The following TMEM260 variants were observed in gnomAD, a reference collection of about 807,000 sequenced individuals.
TMEM260 encodes the protein transmembrane protein 260.
In TMEM260, 82 loss-of-function variants were observed where a neutral mutation model predicts 88.9. The observed-to-expected ratio is 0.92, with a 90% CI of 0.77 to 1.11. The LOEUF (loss-of-function observed/expected upper bound fraction) is 1.11, where lower values mean the gene tolerates loss of function less well. Ranked by LOEUF, TMEM260 falls within the 50% of genes least tolerant of loss-of-function variation. TMEM260 has a pLI of 0.00. For missense variants in TMEM260, 902 were observed against 853.4 expected (o/e 1.06, Z -0.71); for synonymous variants, 314 against 309.3 (o/e 1.02, Z -0.16).
chr14:56,623,326 G>A (rs1888044696), intron 11 of TMEM260, among the ~76,000 whole-genome samples: 1 of 152,098 alleles, frequency 6.6e-6, no homozygotes, highest in Non-Finnish European at 1.5e-5. Context: ...TTCCCTCCCA[G>A]TCACAGGATG....
downstream of TMEM260, among the ~76,000 whole-genome samples, chr14:56,654,362 C>G (rs1267057283): frequency 1.3e-5 from 2 of 152,124 alleles, no homozygotes; most frequent in Non-Finnish European, 2.9e-5. Context: ...TTATATATTT[C>G]TTACCCCTCT....
chr14:56,640,516 C>A (rs945715865), intron 15 of TMEM260, among the ~76,000 whole-genome samples: 13 of 151,994 alleles, frequency 8.6e-5, no homozygotes, highest in Non-Finnish European at 1.5e-4. Flanking sequence ...CATCAAAGAC[C>A]GAAGGTAGAT....
At chr14:56,637,358 GA>G (rs1889185430) in intron 15 of TMEM260, among the ~76,000 whole-genome samples, 1 of 152,218 alleles carries the variant, frequency 6.6e-6, no homozygotes, top group Admixed American at 6.5e-5. Context: ...AAGAGTCATG[GA>G]GGGTGGCTCT....
downstream of TMEM260, among the ~76,000 whole-genome samples, chr14:56,653,744 A>C (rs1289301128): frequency 7.7e-3 from 1,079 of 140,232 alleles, 24 homozygotes; most frequent in Middle Eastern, 0.03. Flanking sequence ...TCCAAAACAA[A>C]AAAAAAAAAA....
intron 10 of TMEM260, among the ~76,000 whole-genome samples, chr14:56,620,767 T>G (rs1262558816): frequency 6.6e-6 from 1 of 152,230 alleles, no homozygotes. Context: ...GACTTGGTAA[T>G]AACAGAAAGG....
chr14:56,589,314 A>C (rs1451114996), intron 3 of TMEM260, among the ~76,000 whole-genome samples: 1 of 152,092 alleles, frequency 6.6e-6, no homozygotes, highest in Non-Finnish European at 1.5e-5. Flanking sequence ...CCTGAGAGTC[A>C]GCCTATCCTT....
At chr14:56,613,910 A>AAAAAAAAAAAAAAAAAAAAAAAAAAT (rs1465604052) in intron 7 of TMEM260, 5 of 144,436 alleles carry the variant, frequency 3.5e-5, no homozygotes, top group East Asian at 2.2e-4. Context: ...AAAAAAAAAA[A>AAAAAAAAAAAAAAAAAAAAAAAAAAT]TTTTTTTTTT....
At position 56,643,358 on chromosome 14, in the gene TMEM260, C is replaced by T. The variant is rs376347555; in HGVS notation, c.1870-3885C>T. Among the ~76,000 whole-genome samples the T allele has an allele frequency of 4.0e-3, 602 of 152,272 alleles. 3 individuals are homozygous for T. Among genetic ancestry groups the T allele is most frequent in the South Asian group, 0.023 (113 of 4,820 alleles). On this transcript the variant is annotated intron_variant, in intron 15 of 15. Coordinates refer to ENST00000261556, the MANE Select transcript of TMEM260 (RefSeq NM_017799.4). The stretch of plus-strand genomic sequence containing the variant: ...TGGGATGCAAGGCTGGTTCAACATA[C>T]GCAAATCAATCAATGTAATCCAGCA...
intron 3 of TMEM260, among the ~76,000 whole-genome samples, chr14:56,596,461 T>A (rs892552467): frequency 6.7e-6 from 1 of 148,930 alleles, no homozygotes; most frequent in African/African-American, 2.5e-5. Context: ...TAGAGAGATA[T>A]ATTTTTAATT....
intron 15 of TMEM260, among the ~76,000 whole-genome samples, chr14:56,643,185 C>G (rs1376668176): frequency 6.6e-6 from 1 of 152,144 alleles, no homozygotes; most frequent in Non-Finnish European, 1.5e-5. Flanking sequence ...CATCCTGATA[C>G]CAAAGCCTGG....
At chr14:56,630,451 CT>C (rs1566565605) in intron 12 of TMEM260, among the ~76,000 whole-genome samples, 1 of 151,490 alleles carries the variant, frequency 6.6e-6, no homozygotes, top group Non-Finnish European at 1.5e-5. Flanking sequence ...CAGTGTTTTT[CT>C]TTTTTTGTTT....
chr14:56,596,784 T>TAAAAAAAA (rs764574288), intron 3 of TMEM260, among the ~76,000 whole-genome samples: 1 of 114,312 alleles, frequency 8.7e-6, no homozygotes. Flanking sequence ...AAAAAAAAAT[T>TAAAAAAAA]AAAAAAAAAA....
chr14:56,632,423 A>G (rs1044857787), intron 12 of TMEM260, among the ~76,000 whole-genome samples: 11 of 152,074 alleles, frequency 7.2e-5, no homozygotes, highest in Non-Finnish European at 1.3e-4. Flanking sequence ...TACTATCACT[A>G]TGCTGCTGCC....
intron 3 of TMEM260, among the ~76,000 whole-genome samples, chr14:56,600,315 C>T (rs1047999707): frequency 5.3e-5 from 8 of 152,036 alleles, no homozygotes; most frequent in African/African-American, 1.9e-4. Flanking sequence ...ATTTTATTTT[C>T]AGAATTTTTA....
chr14:56,609,078 T>G, intron 5 of TMEM260, 28 bp from the exon 6 acceptor site: 1 of 1,604,744 alleles, frequency 6.2e-7, no homozygotes. Context: ...ATAAACATTG[T>G]TATACCACCC....
chr14:56,615,672 C>A (rs923359579), intron 7 of TMEM260: 1 of 365,748 alleles, frequency 2.7e-6, no homozygotes, highest in South Asian at 5.2e-5. Context: ...ATACAGTATA[C>A]CAATATAAAA....
intron 3 of TMEM260, among the ~76,000 whole-genome samples, chr14:56,592,157 A>G (rs1469158797): frequency 6.6e-6 from 1 of 152,224 alleles, no homozygotes; most frequent in Admixed American, 6.5e-5. Flanking sequence ...CTCATGAAGT[A>G]GAACTAACCT....
upstream of TMEM260, chr14:56,579,785 C>T: frequency 1.1e-6 from 1 of 883,956 alleles, no homozygotes; most frequent in Non-Finnish European, 1.5e-6. Flanking sequence ...TGCGGTCCAA[C>T]CCGCGGAGGC....
chr14:56,639,882 A>C (rs1299130265), intron 15 of TMEM260, among the ~76,000 whole-genome samples: 2 of 152,144 alleles, frequency 1.3e-5, no homozygotes, highest in Non-Finnish European at 2.9e-5. Flanking sequence ...AACCTCACTC[A>C]TTGCTAGCAC....
Sources: gnomAD v4.1 joint callset for allele counts (sites outside exome capture counted in the v4.1 genomes callset) on GRCh38, gnomAD v4.1.1 for gene constraint, MANE v1.5 for transcripts, NCBI Gene and HGNC (gene_info 2026-07-23, HGNC 2026-07-21) for gene names.